The following NTM variants were observed in gnomAD, a reference collection of about 807,000 sequenced individuals.
NTM encodes neurotrimin.
Under a neutral mutation model 42.1 loss-of-function variants are expected in NTM, and 13 were observed. That is an observed-to-expected ratio of 0.31 (90% CI 0.20 to 0.49). The LOEUF (loss-of-function observed/expected upper bound fraction) is 0.49, where lower values mean the gene tolerates loss of function less well. NTM is among the 20% of genes least tolerant of loss of function. The pLI, the probability that NTM is intolerant of heterozygous loss-of-function variation, is 0.99. For missense variants in NTM, 373 were observed against 452.8 expected (o/e 0.82, Z 1.60); for synonymous variants, 187 against 179.2 (o/e 1.04, Z -0.35).
chr11:131,726,515 G>T (rs1565472723), intron 1 of NTM, among the ~76,000 whole-genome samples: 1 of 151,132 alleles, frequency 6.6e-6, no homozygotes, highest in East Asian at 1.9e-4. Context: ...CTGAAGGCTT[G>T]TTGGTTCTGG....
intron 1 of NTM, among the ~76,000 whole-genome samples, chr11:131,691,307 G>A (rs1420167331): frequency 6.6e-6 from 1 of 152,230 alleles, no homozygotes; most frequent in Non-Finnish European, 1.5e-5. Context: ...GCCGGGGGCC[G>A]CGGGGAGTTC....
intron 4 of NTM, among the ~76,000 whole-genome samples, chr11:132,238,650 C>T (rs1325650419): frequency 6.6e-6 from 1 of 152,210 alleles, no homozygotes. Context: ...CGTGTGGACT[C>T]GCGGAGCTCA....
rs997586870 is a variant in NTM at position 131,924,717 on chromosome 11, C to T, written c.167+13069C>T. ...GCACAGAGCAGGGCTCACACCCCCA[C>T]CCACCAGCTGGCCAGGAACCTTGTT... is the stretch of plus-strand genomic sequence containing the variant. On this transcript the variant is annotated intron_variant, in intron 2 of 8. Transcript: ENST00000683400. Among the ~76,000 whole-genome samples the T allele has an allele frequency of 1.3e-5, 2 of 152,216 alleles. 1 individual carries two copies. The highest frequency in any genetic ancestry group is 1.3e-4 in the Admixed American group (2 of 15,282).
At chr11:132,058,084 T>C (rs1359333640) in intron 2 of NTM, among the ~76,000 whole-genome samples, 1 of 152,200 alleles carries the variant, frequency 6.6e-6, no homozygotes, top group Non-Finnish European at 1.5e-5. Context: ...ATCCCTCTGA[T>C]TTGAGTTGTT....
intron 1 of NTM, among the ~76,000 whole-genome samples, chr11:131,909,465 C>G (rs1239836892): frequency 1.3e-5 from 2 of 152,130 alleles, no homozygotes; most frequent in Non-Finnish European, 2.9e-5. Context: ...TTGTTAACAA[C>G]AACAACAACA....
intron 2 of NTM, among the ~76,000 whole-genome samples, chr11:132,135,404 T>C (rs1036060253): frequency 6.6e-6 from 1 of 152,222 alleles, no homozygotes; most frequent in East Asian, 1.9e-4. Flanking sequence ...ACACATAAGA[T>C]TGCCTTTGTT....
intron 4 of NTM, among the ~76,000 whole-genome samples, chr11:132,265,208 G>T (rs1211709443): frequency 6.6e-6 from 1 of 152,046 alleles, no homozygotes; most frequent in Non-Finnish European, 1.5e-5. Context: ...GAATGAAATG[G>T]GATTACCCAT....
rs139560411 is a variant in NTM, at chr11:132,283,701, C to A, written c.527-23988C>A. On this transcript the variant is annotated intron_variant, in intron 4 of 8. Transcript: ENST00000683400. ...ACCTCTAGGCGGTACTTCATAGCAC[C>A]CTGTTCTAAGTTAGGCTCAGGGACT... Among the ~76,000 whole-genome samples the A allele has an allele frequency of 4.7e-3, 723 of 152,258 alleles. 9 individuals are homozygous for A. Among genetic ancestry groups the A allele is most frequent in the African/African-American group, 0.017 (701 of 41,554 alleles).
chr11:131,622,841 T>C (rs2062715610), intron 1 of NTM, among the ~76,000 whole-genome samples: 1 of 152,036 alleles, frequency 6.6e-6, no homozygotes, highest in Non-Finnish European at 1.5e-5. Flanking sequence ...CCTCCAGGAG[T>C]GCTCCTTGGG....
chr11:131,955,371 A>G (rs1390990977), intron 2 of NTM, among the ~76,000 whole-genome samples: 1 of 152,120 alleles, frequency 6.6e-6, no homozygotes, highest in East Asian at 1.9e-4. Context: ...ACCTAGACAC[A>G]TGGATCCTAG....
intron 1 of NTM, among the ~76,000 whole-genome samples, chr11:131,834,316 G>A (rs545416071): frequency 1.3e-4 from 19 of 151,968 alleles, no homozygotes; most frequent in Admixed American, 5.9e-4. Context: ...ACATCTATGG[G>A]CTTAACTATG....
At chr11:132,246,042 G>A (rs1435286076) in intron 4 of NTM, among the ~76,000 whole-genome samples, 1 of 152,212 alleles carries the variant, frequency 6.6e-6, no homozygotes, top group African/African-American at 2.4e-5. Context: ...GAGAATGAGA[G>A]GCAAATAGGA....
chr11:132,091,939 A>T (rs1336982617), intron 2 of NTM, among the ~76,000 whole-genome samples: 4 of 152,228 alleles, frequency 2.6e-5, no homozygotes, highest in Admixed American at 1.3e-4. Context: ...GAATGAAGAA[A>T]ACATAAGTAT....
chr11:131,890,137 C>CCT (rs1161931332), intron 1 of NTM, among the ~76,000 whole-genome samples: 2,472 of 108,690 alleles, frequency 0.023, 79 homozygotes, highest in African/African-American at 0.1. Context: ...CCTCTCTCTC[C>CCT]CTCTCTCTCT....
At position 132,019,689 on chromosome 11, in the gene NTM, C is replaced by G. The variant is rs1565959561; in HGVS notation, c.167+108041C>G. Among the ~76,000 whole-genome samples, 5 of 152,032 alleles carry G rather than the reference C, an allele frequency of 3.3e-5. No homozygotes were observed. The South Asian group carries it at 1.0e-3, about 32-fold the overall frequency. ...TGTTTGCATGGTATATATATTCATC[C>G]TGTTACTTTTAACCTCTTTTTAGCT... On this transcript the variant is annotated intron_variant, in intron 2 of 8. Coordinates refer to ENST00000683400, the MANE Select transcript of NTM (RefSeq NM_001352005.2).
chr11:131,578,408 G>A (rs1416200341), intron 1 of NTM, among the ~76,000 whole-genome samples: 1 of 152,128 alleles, frequency 6.6e-6, no homozygotes, highest in African/African-American at 2.4e-5. Flanking sequence ...GTAGATAATG[G>A]GATAGAGAAA....
rs190372954 is a variant in NTM at position 132,010,919 on chromosome 11, T to G, written c.167+99271T>G. On this transcript the variant is annotated intron_variant, in intron 2 of 8. Transcript: ENST00000683400. Reference sequence around the variant, plus strand: ...GACAGGGCTCCTAGACTCCCCTTAGTCTCAGTTACTTATCTGTGTATAACC... The same window carrying G: ...GACAGGGCTCCTAGACTCCCCTTAGGCTCAGTTACTTATCTGTGTATAACC... Among the ~76,000 whole-genome samples, 5 of 152,022 alleles carry G rather than the reference T, an allele frequency of 3.3e-5. No homozygotes were observed. The South Asian group carries it at 6.2e-4, about 19-fold the overall frequency.
At chr11:132,086,524 C>A (rs61902001) in intron 2 of NTM, among the ~76,000 whole-genome samples, 12,150 of 152,152 alleles carry the variant, frequency 0.08, 499 homozygotes, top group Middle Eastern at 0.14. Context: ...TCCCTTATTA[C>A]CCGATGTTAG....
chr11:131,992,600 A>C (rs2067229363), intron 2 of NTM, among the ~76,000 whole-genome samples: 1 of 152,166 alleles, frequency 6.6e-6, no homozygotes, highest in African/African-American at 2.4e-5. Flanking sequence ...CTTTATGCAG[A>C]ACTGCTTACT....
Sources: allele counts gnomAD v4.1 joint callset (sites outside exome capture counted in the v4.1 genomes callset), GRCh38; gene constraint gnomAD v4.1.1; transcripts MANE v1.5; gene names NCBI Gene and HGNC (gene_info 2026-07-23, HGNC 2026-07-21).